Variants in MAD1L1 observed in about 807,000 individuals in gnomAD.
MAD1L1 encodes mitotic spindle assembly checkpoint protein MAD1.
A neutral mutation model predicts 96.9 loss-of-function variants in MAD1L1; 95 were observed. The ratio of observed to expected loss-of-function variants is 0.98; its 90% CI spans 0.83 to 1.16. The LOEUF (loss-of-function observed/expected upper bound fraction) is 1.16. MAD1L1 is among the 50% of genes most tolerant of loss of function. MAD1L1 has a pLI of 0.00. For missense variants in MAD1L1, 1,007 were observed against 954.4 expected, an observed-to-expected ratio of 1.06 and a Z score of -0.73; for synonymous variants, 473 against 396.6, an observed-to-expected ratio of 1.19 and a Z score of -2.29.
intron 12 of MAD1L1, among the ~76,000 whole-genome samples, chr7:2,050,539 C>T (rs1469576326): frequency 6.6e-6 from 1 of 152,232 alleles, no homozygotes; most frequent in African/African-American, 2.4e-5. Flanking sequence ...CAACAGTGGC[C>T]TATCACCGGC....
intron 14 of MAD1L1, among the ~76,000 whole-genome samples, chr7:1,983,152 GCGCACACACACACA>G (rs1207702315): frequency 4.7e-3 from 141 of 29,908 alleles, no homozygotes; most frequent in African/African-American, 7.2e-3. Flanking sequence ...GCGCGCGCGC[GCGCACACACACACA>G]CACACACACA....
intron 18 of MAD1L1, among the ~76,000 whole-genome samples, chr7:1,853,765 C>T (rs997764797): frequency 2.6e-5 from 4 of 152,104 alleles, no homozygotes; most frequent in African/African-American, 7.2e-5. Flanking sequence ...AGCTGGGACT[C>T]GCCTGCAAGG....
intron 12 of MAD1L1, among the ~76,000 whole-genome samples, chr7:2,059,754 G>A (rs929069019): frequency 6.6e-6 from 1 of 152,014 alleles, no homozygotes; most frequent in African/African-American, 2.4e-5. Context: ...ATCTCTCAGA[G>A]AGTATGAGTG....
rs1787701925 is a variant in MAD1L1 at position 2,116,525 on chromosome 7, G to A, written c.1073+32627C>T. 3.4e-5 allele frequency among the ~76,000 whole-genome samples: 5 copies of A among 146,822 alleles called. No homozygotes were observed. In the Admixed American group the frequency reaches 3.4e-4, roughly 10 times the overall value. On this transcript the variant is annotated intron_variant, in intron 11 of 18. Transcript: ENST00000265854. ...CCCAGCAAGACCCCAGGTGGGCAGG[G>A]CCTGGATAAGGCAGGTACCCACACG...
At chr7:1,965,674 C>T (rs1441471372) in intron 15 of MAD1L1, among the ~76,000 whole-genome samples, 1 of 152,284 alleles carries the variant, frequency 6.6e-6, no homozygotes, top group Non-Finnish European at 1.5e-5. Context: ...GCTCAGCCCA[C>T]AGGGCTGCAG....
At chr7:1,882,863 T>TAG (rs1785772162) in intron 18 of MAD1L1, among the ~76,000 whole-genome samples, 2 of 152,212 alleles carry the variant, frequency 1.3e-5, no homozygotes, top group African/African-American at 4.8e-5. Context: ...TTTGCTCCTT[T>TAG]AGAAATGTAG....
At chr7:2,106,984 G>A (rs573172150) in intron 11 of MAD1L1, among the ~76,000 whole-genome samples, 2 of 152,182 alleles carry the variant, frequency 1.3e-5, no homozygotes, top group Non-Finnish European at 2.9e-5. Flanking sequence ...AGAGCCAGGA[G>A]GCTCCTGACG....
At chr7:1,838,894 C>T (rs1783079886) in intron 18 of MAD1L1, 2 of 469,934 alleles carry the variant, frequency 4.3e-6, no homozygotes, top group African/African-American at 2.0e-5. Flanking sequence ...GTTCCAGGCA[C>T]ACCCTGGGGC....
At chr7:2,139,230 C>CATT (rs1788904028) in intron 11 of MAD1L1, among the ~76,000 whole-genome samples, 1 of 152,012 alleles carries the variant, frequency 6.6e-6, no homozygotes, top group South Asian at 2.1e-4. Flanking sequence ...GGGGATCACA[C>CATT]GGCCCGACCC....
intron 10 of MAD1L1, among the ~76,000 whole-genome samples, chr7:2,205,300 C>T (rs950036819): frequency 1.3e-5 from 2 of 152,174 alleles, no homozygotes; most frequent in Non-Finnish European, 2.9e-5. Context: ...TGCTCTTCTA[C>T]AGTGCCTGCT....
intron 11 of MAD1L1, among the ~76,000 whole-genome samples, chr7:2,110,970 C>T (rs540897113): frequency 6.4e-4 from 97 of 152,284 alleles, no homozygotes; most frequent in African/African-American, 2.2e-3. Context: ...TTGCTCTGCT[C>T]TCACCCCATC....
intron 10 of MAD1L1, among the ~76,000 whole-genome samples, chr7:2,179,431 G>A (rs185757792): frequency 6.4e-4 from 97 of 152,110 alleles, no homozygotes; most frequent in African/African-American, 2.3e-3. Context: ...AGGAGGCTGA[G>A]GCAGGAGAAT....
At chr7:1,895,063 G>A (rs1275811892) in intron 18 of MAD1L1, among the ~76,000 whole-genome samples, 3 of 152,174 alleles carry the variant, frequency 2.0e-5, no homozygotes, top group African/African-American at 4.8e-5. Flanking sequence ...CGGAAGAAGG[G>A]TCCCACATCT....
intron 14 of MAD1L1, among the ~76,000 whole-genome samples, chr7:1,988,755 G>A (rs956740074): frequency 6.6e-6 from 1 of 152,188 alleles, no homozygotes; most frequent in Non-Finnish European, 1.5e-5. Context: ...CGGCGGCCAG[G>A]GCTGCCTTCC....
chr7:2,099,129 G>C (rs1056875979), intron 11 of MAD1L1, among the ~76,000 whole-genome samples: 1 of 152,222 alleles, frequency 6.6e-6, no homozygotes, highest in African/African-American at 2.4e-5. Flanking sequence ...CCTAAGCGCA[G>C]TGGTAGCACA....
rs55965134 is a variant in MAD1L1 at position 1,907,715 on chromosome 7, G to C, written c.1808-9325C>G. Among the ~76,000 whole-genome samples, 661 of 152,364 alleles carry C rather than the reference G, an allele frequency of 4.3e-3. 7 individuals carry two copies. The highest frequency in any genetic ancestry group is 7.7e-3 in the South Asian group (37 of 4,826). On this transcript the variant is annotated intron_variant, in intron 17 of 18. Transcript: ENST00000265854. ...CTGCCCCCGGGTCAGTGAGACAGTGGAGGCGAAAACCCTCTCGGCAATAAC... is the reference window on the plus strand; with the variant it reads ...CTGCCCCCGGGTCAGTGAGACAGTGCAGGCGAAAACCCTCTCGGCAATAAC...
At chr7:1,831,073 G>A (rs1409918563) in intron 18 of MAD1L1, among the ~76,000 whole-genome samples, 11 of 152,234 alleles carry the variant, frequency 7.2e-5, no homozygotes, top group African/African-American at 2.2e-4. Flanking sequence ...AAGCCAATTC[G>A]CCCTGTGTTC....
chr7:2,222,949 A>G (rs1263974205), intron 4 of MAD1L1, among the ~76,000 whole-genome samples, 195 bp from the exon 5 acceptor site: 4 of 152,218 alleles, frequency 2.6e-5, no homozygotes, highest in African/African-American at 9.6e-5. Flanking sequence ...CTGTGGCACC[A>G]TGACGGTGAG....
rs115232350 is a variant in MAD1L1, at chr7:1,856,013, G to A, written c.1999-39785C>T. Among the ~76,000 whole-genome samples, 1,273 of 152,290 alleles carry A rather than the reference G, an allele frequency of 8.4e-3. 20 individuals are homozygous for A. Among genetic ancestry groups the A allele is most frequent in the African/African-American group, 0.029 (1,196 of 41,536 alleles). On this transcript the variant is annotated intron_variant, in intron 18 of 18. Transcript: ENST00000265854. ...GAGGGGAGGCACTTCCTCGCGGTGC[G>A]CTCACGTGGGGTGCGGTGAGGGAGC...
Sources: allele counts gnomAD v4.1 joint callset (sites outside exome capture counted in the v4.1 genomes callset), GRCh38; gene constraint gnomAD v4.1.1; transcripts MANE v1.5; gene names NCBI Gene and HGNC (gene_info 2026-07-23, HGNC 2026-07-21).